CTNNA3: variants seen among roughly 807,000 people sequenced by gnomAD.
The protein encoded by CTNNA3 is catenin alpha 3, also known as catenin alpha-3.
In CTNNA3, 76 loss-of-function variants were observed where a neutral mutation model predicts 95.7. The ratio of observed to expected loss-of-function variants is 0.79; its 90% CI spans 0.66 to 0.96. The LOEUF is 0.96. Among genes scored for constraint, CTNNA3 ranks in the 40% least tolerant of loss-of-function variants. The pLI is 0.00. For missense variants in CTNNA3, 1,191 were observed against 1,089.8 expected (o/e 1.09, Z -1.31); for synonymous variants, 431 against 374.4 (o/e 1.15, Z -1.74).
At chr10:65,953,985 A>G (rs1312108218) in intron 17 of CTNNA3, among the ~76,000 whole-genome samples, 1 of 152,216 alleles carries the variant, frequency 6.6e-6, no homozygotes, top group Non-Finnish European at 1.5e-5. Flanking sequence ...TGGTTGAACT[A>G]GTTTACAGTC....
chr10:67,697,557 A>C (rs1234407218), upstream of CTNNA3, among the ~76,000 whole-genome samples: 2 of 152,210 alleles, frequency 1.3e-5, no homozygotes, highest in Non-Finnish European at 2.9e-5. Flanking sequence ...AATGTAGATG[A>C]GAACTCTTAT....
At chr10:67,339,599 G>A (rs879235841) in intron 5 of CTNNA3, among the ~76,000 whole-genome samples, 2 of 150,112 alleles carry the variant, frequency 1.3e-5, no homozygotes, top group Admixed American at 6.7e-5. Context: ...TTTTTACTAC[G>A]GAGAACTAGA....
chr10:66,913,604 G>A (rs1312769147), intron 7 of CTNNA3, among the ~76,000 whole-genome samples: 1 of 152,146 alleles, frequency 6.6e-6, no homozygotes, highest in Non-Finnish European at 1.5e-5. Context: ...ACAAATTTTT[G>A]GAGAACAGAA....
intron 7 of CTNNA3, among the ~76,000 whole-genome samples, chr10:66,945,400 CT>C (rs1848224875): frequency 6.6e-6 from 1 of 152,148 alleles, no homozygotes. Flanking sequence ...TCAACCTTTC[CT>C]TCTGCAGCTT....
At chr10:66,487,116 A>G (rs1488224465) in intron 11 of CTNNA3, among the ~76,000 whole-genome samples, 1 of 151,024 alleles carries the variant, frequency 6.6e-6, no homozygotes, top group Non-Finnish European at 1.5e-5. Context: ...AGGGAATCTA[A>G]TGTACAGCAT....
chr10:66,167,376 G>A (rs1191030125), intron 13 of CTNNA3, among the ~76,000 whole-genome samples: 1 of 152,112 alleles, frequency 6.6e-6, no homozygotes, highest in East Asian at 1.9e-4. Context: ...GACAGCAAAC[G>A]TTAAGTTTCC....
At chr10:66,410,816 T>C (rs1441259765) in intron 11 of CTNNA3, among the ~76,000 whole-genome samples, 1 of 152,194 alleles carries the variant, frequency 6.6e-6, no homozygotes, top group Non-Finnish European at 1.5e-5. Flanking sequence ...CGTGCTGTGT[T>C]TCTAAGGCTC....
At chr10:67,400,057 T>C (rs955170032) in intron 5 of CTNNA3, among the ~76,000 whole-genome samples, 1 of 151,960 alleles carries the variant, frequency 6.6e-6, no homozygotes, top group African/African-American at 2.4e-5. Flanking sequence ...CTCCTAATGC[T>C]ATTCCCTCCC....
chr10:66,410,782 G>C (rs1397278609), intron 11 of CTNNA3, among the ~76,000 whole-genome samples: 1 of 152,136 alleles, frequency 6.6e-6, no homozygotes, highest in African/African-American at 2.4e-5. Flanking sequence ...ATCTGCCAGA[G>C]ATGTACTGTT....
Position 65,954,157 on chromosome 10 carries a change from T to C in CTNNA3, c.2400+12455A>G, listed in dbSNP as rs929248954. ...GTCAGTGATGATGAATATTTTTTCA[T>C]GTGTCTGTTGGCTGCATAAATGTCT... On this transcript the variant is annotated intron_variant, in intron 17 of 17. Transcript: ENST00000433211. Among the ~76,000 whole-genome samples the C allele has an allele frequency of 6.6e-5, 10 of 152,380 alleles. No homozygotes were observed. In the East Asian group the frequency reaches 1.7e-3, roughly 26 times the overall value.
At chr10:66,239,201 TTTAA>T (rs535526950) in intron 13 of CTNNA3, among the ~76,000 whole-genome samples, 26 of 146,952 alleles carry the variant, frequency 1.8e-4, no homozygotes, top group African/African-American at 5.5e-4. Context: ...ATTAAGTACA[TTTAA>T]TTAGTCAATT....
At chr10:66,318,921 T>C (rs1222880054) in intron 12 of CTNNA3, among the ~76,000 whole-genome samples, 2 of 152,098 alleles carry the variant, frequency 1.3e-5, no homozygotes, top group East Asian at 3.9e-4. Context: ...AGTATTTTTT[T>C]TTTTTGGTTC....
chr10:66,612,427 C>T (rs1844359379), intron 10 of CTNNA3, among the ~76,000 whole-genome samples: 1 of 152,134 alleles, frequency 6.6e-6, no homozygotes, highest in Non-Finnish European at 1.5e-5. Flanking sequence ...TAAACCCCTT[C>T]ACTTGGCACT....
intron 13 of CTNNA3, among the ~76,000 whole-genome samples, chr10:66,115,579 T>A (rs369288308): frequency 1.5e-3 from 189 of 125,744 alleles, no homozygotes; most frequent in East Asian, 2.8e-3. Context: ...GACAGATAGA[T>A]GATAGATAGA....
At chr10:66,749,401 C>T (rs1211265038) in intron 9 of CTNNA3, among the ~76,000 whole-genome samples, 4 of 152,080 alleles carry the variant, frequency 2.6e-5, no homozygotes. Flanking sequence ...CTGGCAACCA[C>T]TAATCTTTTA....
At chr10:67,522,209 G>T (rs907252944) in intron 4 of CTNNA3, among the ~76,000 whole-genome samples, 1 of 151,992 alleles carries the variant, frequency 6.6e-6, no homozygotes, top group African/African-American at 2.4e-5. Flanking sequence ...TCTAACAAAA[G>T]AGCATACTTC....
intron 16 of CTNNA3, among the ~76,000 whole-genome samples, chr10:65,968,410 A>C (rs1400311623): frequency 6.6e-6 from 1 of 152,092 alleles, no homozygotes; most frequent in African/African-American, 2.4e-5. Context: ...AAATAAAATA[A>C]TAAAACCTGC....
At chr10:66,821,779 G>A (rs957118053) in intron 7 of CTNNA3, among the ~76,000 whole-genome samples, 17 of 151,970 alleles carry the variant, frequency 1.1e-4, no homozygotes, top group African/African-American at 4.1e-4. Flanking sequence ...TTTTATCATC[G>A]TATTTATTAA....
intron 12 of CTNNA3, among the ~76,000 whole-genome samples, chr10:66,336,511 C>T (rs1464810084): frequency 6.6e-6 from 1 of 152,116 alleles, no homozygotes; most frequent in Non-Finnish European, 1.5e-5. Context: ...CTCTATCCTC[C>T]AGGAATTATT....
Sources: gnomAD v4.1 joint callset for allele counts (sites outside exome capture counted in the v4.1 genomes callset) on GRCh38, gnomAD v4.1.1 for gene constraint, MANE v1.5 for transcripts, NCBI Gene and HGNC (gene_info 2026-07-23, HGNC 2026-07-21) for gene names.